Variants in PRELID2 observed in about 807,000 individuals in gnomAD.
The protein encoded by PRELID2 is PRELI domain containing 2.
Under a neutral mutation model 28.4 loss-of-function variants are expected in PRELID2, and 25 were observed. The ratio of observed to expected loss-of-function variants is 0.88; its 90% CI spans 0.64 to 1.23. The LOEUF (loss-of-function observed/expected upper bound fraction) is 1.23, where lower values mean the gene tolerates loss of function less well. PRELID2 is among the 50% of genes most tolerant of loss of function. The probability of loss-of-function intolerance (pLI) is 0.00; values close to 1 mark genes in which losing one functional copy is unlikely to be tolerated. For missense variants in PRELID2, 201 were observed against 214.4 expected (o/e 0.94, Z 0.39); for synonymous variants, 76 against 71.6 (o/e 1.06, Z -0.31).
intron 1 of PRELID2, among the ~76,000 whole-genome samples, chr5:145,484,932 A>G (rs1473284994): frequency 1.3e-5 from 2 of 152,200 alleles, no homozygotes; most frequent in Admixed American, 1.3e-4. Context: ...AGCAACAGAG[A>G]GGAGCTACTA....
chr5:145,455,335 C>G, the PRELID2 span, among the ~76,000 whole-genome samples: 1 of 152,066 alleles, frequency 6.6e-6, no homozygotes, highest in Admixed American at 6.6e-5. Flanking sequence ...GTACCGGTAC[C>G]ATGCTGTTTT....
At chr5:145,419,068 T>C in the PRELID2 span, among the ~76,000 whole-genome samples, 2 of 151,082 alleles carry the variant, frequency 1.3e-5, no homozygotes, top group Non-Finnish European at 3.0e-5. Flanking sequence ...CTCATCATTA[T>C]TTATGGCTGC....
the PRELID2 span, among the ~76,000 whole-genome samples, chr5:145,317,744 A>T: frequency 6.6e-6 from 1 of 152,146 alleles, no homozygotes; most frequent in Non-Finnish European, 1.5e-5. Context: ...CTATCAGGTG[A>T]CTTTGTCCCT....
intron 4 of PRELID2, among the ~76,000 whole-genome samples, chr5:145,798,669 T>C (rs1752922824): frequency 6.6e-6 from 1 of 152,204 alleles, no homozygotes; most frequent in Non-Finnish European, 1.5e-5. Context: ...GTGGCACATA[T>C]ACACCATGGA....
intron 1 of PRELID2, among the ~76,000 whole-genome samples, chr5:145,694,456 A>G (rs1388866278): frequency 6.6e-6 from 1 of 152,164 alleles, no homozygotes; most frequent in African/African-American, 2.4e-5. Flanking sequence ...TGCTTTTAAA[A>G]TATGTTATTA....
the PRELID2 span, among the ~76,000 whole-genome samples, chr5:145,359,262 A>G: frequency 6.6e-6 from 1 of 152,154 alleles, no homozygotes; most frequent in African/African-American, 2.4e-5. Context: ...TCTGGATAGT[A>G]TATTGTCAGA....
intron 1 of PRELID2, among the ~76,000 whole-genome samples, chr5:145,603,826 G>A (rs1753453688): frequency 6.6e-6 from 1 of 152,052 alleles, no homozygotes; most frequent in Non-Finnish European, 1.5e-5. Flanking sequence ...ATTTTCATAA[G>A]TGAAGAATAC....
the PRELID2 span, among the ~76,000 whole-genome samples, chr5:145,420,361 T>G: frequency 6.6e-6 from 1 of 152,062 alleles, no homozygotes; most frequent in South Asian, 2.1e-4. Context: ...TTCCTACCCA[T>G]GAGCATGGAA....
chr5:145,324,237 G>A, the PRELID2 span, among the ~76,000 whole-genome samples: 1 of 152,122 alleles, frequency 6.6e-6, no homozygotes, highest in Non-Finnish European at 1.5e-5. Context: ...TGTCATTGTA[G>A]GGTGGAAAGA....
intron 1 of PRELID2, among the ~76,000 whole-genome samples, chr5:145,489,251 A>C (rs1377831645): frequency 3.9e-5 from 6 of 152,198 alleles, no homozygotes; most frequent in Non-Finnish European, 5.9e-5. Flanking sequence ...TTTCAACTAA[A>C]GGATTCCACC....
At chr5:145,762,531 C>A (rs143255513) in intron 6 of PRELID2, among the ~76,000 whole-genome samples, 262 of 152,208 alleles carry the variant, frequency 1.7e-3, no homozygotes, top group Non-Finnish European at 3.1e-3. Flanking sequence ...AACAGTGAGA[C>A]CATGTCTCAA....
chr5:145,461,773 C>T, the PRELID2 span, among the ~76,000 whole-genome samples: 3 of 152,086 alleles, frequency 2.0e-5, no homozygotes, highest in African/African-American at 7.2e-5. Flanking sequence ...CAGGTGGATT[C>T]AAAATTGGTC....
At chr5:145,521,804 C>T (rs1264673711) in intron 1 of PRELID2, among the ~76,000 whole-genome samples, 2 of 152,154 alleles carry the variant, frequency 1.3e-5, no homozygotes, top group Admixed American at 6.5e-5. Flanking sequence ...AATGCCAACA[C>T]CAGATCAATC....
chr5:145,633,451 C>T (rs1283354947), intron 1 of PRELID2, among the ~76,000 whole-genome samples: 1 of 152,106 alleles, frequency 6.6e-6, no homozygotes, highest in Non-Finnish European at 1.5e-5. Context: ...TTCACATTTT[C>T]CTGGCCCTCT....
At chr5:145,450,960 G>A in the PRELID2 span, 2 of 152,218 alleles carry the variant, frequency 1.3e-5, no homozygotes, top group Non-Finnish European at 2.9e-5. Context: ...ATGACAGGAA[G>A]CATGGACATG....
At chr5:145,477,534 C>T (rs1448537193) in intron 1 of PRELID2, among the ~76,000 whole-genome samples, 1 of 152,190 alleles carries the variant, frequency 6.6e-6, no homozygotes, top group Non-Finnish European at 1.5e-5. Context: ...AGAATGCATG[C>T]ATAGGCCTAA....
the PRELID2 span, among the ~76,000 whole-genome samples, chr5:145,289,066 C>T: frequency 6.6e-6 from 1 of 152,108 alleles, no homozygotes; most frequent in Non-Finnish European, 1.5e-5. Flanking sequence ...CATAAAGTTT[C>T]ATACATTTGT....
At chr5:145,663,069 T>C (rs1231354140) in intron 1 of PRELID2, among the ~76,000 whole-genome samples, 1 of 152,116 alleles carries the variant, frequency 6.6e-6, no homozygotes, top group African/African-American at 2.4e-5. Flanking sequence ...AGAAATGGTC[T>C]TCAAAAGAAA....
intron 1 of PRELID2, among the ~76,000 whole-genome samples, 156 bp from the exon 2 acceptor site, chr5:145,823,290 G>A (rs374978804): frequency 3.3e-5 from 5 of 152,262 alleles, no homozygotes; most frequent in South Asian, 4.1e-4. Flanking sequence ...TTTATAACTT[G>A]GGCCTAGATA....
Sources: gnomAD v4.1 joint callset for allele counts (sites outside exome capture counted in the v4.1 genomes callset) on GRCh38, gnomAD v4.1.1 for gene constraint, MANE v1.5 for transcripts, NCBI Gene and HGNC (gene_info 2026-07-23, HGNC 2026-07-21) for gene names.